Variants in NTM observed in about 807,000 individuals in gnomAD.
NTM encodes the protein neurotrimin.
NTM carries 13 observed loss-of-function variants against 42.1 expected under a neutral mutation model. The ratio of observed to expected loss-of-function variants is 0.31; its 90% CI spans 0.20 to 0.49. The LOEUF (loss-of-function observed/expected upper bound fraction) is 0.49. Ranked by LOEUF, NTM falls within the 20% of genes least tolerant of loss-of-function variation. The pLI is 0.99. For synonymous variants in NTM, 187 were observed against 179.2 expected (o/e 1.04, Z -0.35); for missense variants, 373 against 452.8 (o/e 0.82, Z 1.60).
intron 1 of NTM, among the ~76,000 whole-genome samples, chr11:131,418,837 T>A (rs1378204220): frequency 6.6e-6 from 1 of 152,208 alleles, no homozygotes; most frequent in African/African-American, 2.4e-5. Flanking sequence ...ATCATATGTA[T>A]GCAAAGTCTC....
chr11:131,493,310 C>T (rs1263772530), intron 1 of NTM, among the ~76,000 whole-genome samples: 1 of 148,888 alleles, frequency 6.7e-6, no homozygotes, highest in African/African-American at 2.6e-5. Context: ...ATAATGTCCA[C>T]CGTGTTTTAA....
chr11:131,919,590 AGTTT>A (rs145064294), intron 2 of NTM, among the ~76,000 whole-genome samples: 13,948 of 152,124 alleles, frequency 0.092, 806 homozygotes, highest in South Asian at 0.19. Context: ...TGGCTCAGGC[AGTTT>A]GTTTGATTGC....
intron 1 of NTM, among the ~76,000 whole-genome samples, chr11:131,622,363 T>C (rs940577402): frequency 2.0e-5 from 3 of 152,196 alleles, no homozygotes; most frequent in Non-Finnish European, 2.9e-5. Context: ...AAGTGATGCC[T>C]CGGGCCCCGG....
chr11:132,063,676 G>A (rs936503059), intron 2 of NTM, among the ~76,000 whole-genome samples: 1 of 152,198 alleles, frequency 6.6e-6, no homozygotes, highest in Non-Finnish European at 1.5e-5. Flanking sequence ...TGGAAGGACT[G>A]AGGTGGAATT....
At chr11:132,006,457 G>A (rs1197526287) in intron 2 of NTM, among the ~76,000 whole-genome samples, 2 of 152,194 alleles carry the variant, frequency 1.3e-5, no homozygotes, top group African/African-American at 4.8e-5. Context: ...ATATGAGAAG[G>A]CAGCCTCTTT....
chr11:132,079,283 A>G (rs2058735670), intron 2 of NTM, among the ~76,000 whole-genome samples: 1 of 152,188 alleles, frequency 6.6e-6, no homozygotes, highest in Non-Finnish European at 1.5e-5. Context: ...ATCTCTCATA[A>G]TCCTTATCAG....
intron 7 of NTM, chr11:132,315,127 C>G (rs904680477): frequency 1.0e-6 from 1 of 961,136 alleles, no homozygotes; most frequent in Non-Finnish European, 1.2e-6. Flanking sequence ...CTGTGGGAAT[C>G]ATAATTGGGT....
At chr11:132,298,247 G>A (rs916234458) in intron 4 of NTM, among the ~76,000 whole-genome samples, 7 of 152,312 alleles carry the variant, frequency 4.6e-5, no homozygotes, top group African/African-American at 1.2e-4. Context: ...ATGACATTGC[G>A]GAGTGCTATA....
intron 4 of NTM, among the ~76,000 whole-genome samples, chr11:132,281,996 C>G (rs1409454677): frequency 2.0e-5 from 3 of 152,170 alleles, no homozygotes; most frequent in Non-Finnish European, 4.4e-5. Flanking sequence ...TGTTTCATTG[C>G]CAAAAGCAAC....
rs181433804 is a variant in NTM, at chr11:132,031,650, A to G, written c.168-114632A>G. On this transcript the variant is annotated intron_variant, in intron 2 of 8. Coordinates refer to ENST00000683400, the MANE Select transcript of NTM (RefSeq NM_001352005.2). ...GCAGGGAATCTGGAGTTCTACTTTC[A>G]TCATTAAGGCTTGAGATACCTCTTA... Among the ~76,000 whole-genome samples, 176 of 152,312 alleles carry G rather than the reference A, an allele frequency of 1.2e-3. 1 individual carries two copies. The highest frequency in any genetic ancestry group is 3.9e-3 in the African/African-American group (163 of 41,572).
chr11:132,056,849 C>T (rs2079761800), intron 2 of NTM, among the ~76,000 whole-genome samples: 1 of 152,152 alleles, frequency 6.6e-6, no homozygotes, highest in Non-Finnish European at 1.5e-5. Flanking sequence ...CCAGTGCACT[C>T]CACGGAAACC....
At chr11:131,601,213 G>A (rs1217245002) in intron 1 of NTM, among the ~76,000 whole-genome samples, 1 of 152,186 alleles carries the variant, frequency 6.6e-6, no homozygotes, top group Non-Finnish European at 1.5e-5. Flanking sequence ...CTTTCGGGGA[G>A]CATACAGATG....
At chr11:131,735,579 A>G (rs2080306984) in intron 1 of NTM, among the ~76,000 whole-genome samples, 1 of 152,226 alleles carries the variant, frequency 6.6e-6, no homozygotes, top group African/African-American at 2.4e-5. Context: ...GTCTTGTTCC[A>G]CATATGCCCC....
intron 1 of NTM, among the ~76,000 whole-genome samples, chr11:131,813,487 A>G (rs1037918194): frequency 1.3e-5 from 2 of 152,174 alleles, no homozygotes; most frequent in Non-Finnish European, 2.9e-5. Context: ...GGCTGTAGGG[A>G]GTACAGGAAC....
intron 1 of NTM, among the ~76,000 whole-genome samples, chr11:131,603,454 G>A (rs994871535): frequency 2.0e-5 from 3 of 152,020 alleles, no homozygotes; most frequent in Admixed American, 2.0e-4. Flanking sequence ...TTTGAGTAGC[G>A]TGGCTTCCGT....
At chr11:131,981,474 G>A (rs1481431181) in intron 2 of NTM, 3 of 152,168 alleles carry the variant, frequency 2.0e-5, no homozygotes, top group Non-Finnish European at 1.5e-5. Context: ...TCAACTGAGG[G>A]ATGATTCATT....
chr11:131,726,990 A>G (rs901790148), intron 1 of NTM, among the ~76,000 whole-genome samples: 1 of 151,366 alleles, frequency 6.6e-6, no homozygotes, highest in Admixed American at 6.6e-5. Flanking sequence ...CACCCAGCCC[A>G]TGCCATTGCT....
chr11:132,200,157 A>G (rs986529414), intron 3 of NTM, among the ~76,000 whole-genome samples: 2 of 152,164 alleles, frequency 1.3e-5, no homozygotes, highest in African/African-American at 4.8e-5. Context: ...TGAGGGATTT[A>G]GTGGCAATAA....
intron 1 of NTM, among the ~76,000 whole-genome samples, chr11:131,400,194 G>A (rs547115160): frequency 3.9e-5 from 6 of 152,076 alleles, no homozygotes; most frequent in Non-Finnish European, 8.8e-5. Flanking sequence ...TAAATGAATA[G>A]ACAGGACGTC....
Sources: gnomAD v4.1 joint callset for allele counts (sites outside exome capture counted in the v4.1 genomes callset) on GRCh38, gnomAD v4.1.1 for gene constraint, MANE v1.5 for transcripts, NCBI Gene and HGNC (gene_info 2026-07-23, HGNC 2026-07-21) for gene names.